Variants in PCDHGB4 observed in about 807,000 individuals in gnomAD.
PCDHGB4 encodes protocadherin gamma-B4.
In PCDHGB4, 38 loss-of-function variants were observed where a neutral mutation model predicts 60.5. The ratio of observed to expected loss-of-function variants is 0.63; its 90% CI spans 0.48 to 0.82. The LOEUF (loss-of-function observed/expected upper bound fraction) is 0.82, where lower values mean the gene tolerates loss of function less well. Ranked by LOEUF, PCDHGB4 falls within the 40% of genes least tolerant of loss-of-function variation. The pLI is 0.00. For synonymous variants in PCDHGB4, 456 were observed against 509.7 expected (o/e 0.89, Z 1.42); for missense variants, 1,109 against 1,209.6 (o/e 0.92, Z 1.23).
intron 1 of PCDHGB4, among the ~76,000 whole-genome samples, chr5:141,451,724 A>G (rs2098722682): frequency 6.6e-6 from 1 of 152,170 alleles, no homozygotes; most frequent in Non-Finnish European, 1.5e-5. Context: ...TCTACTAAAA[A>G]TACAAAAATT....
In PCDHGB4 at chr5:141,477,116, G is replaced by A. The variant is rs771557201; in HGVS notation, c.2398-17691G>A. ...AGACAAGGGCGCCAATCCCGAAGGA[G>A]CACATTGCAAAGTGTTGGTGGAGGT... On this transcript the variant is annotated intron_variant, in intron 1 of 3. Transcript: ENST00000519479. This position sits in a 1 kb window ranked among gnomAD's most constrained non-coding sequence, Gnocchi z 4.9. 1 of 1,614,252 alleles carries A rather than the reference G, an allele frequency of 6.2e-7. No homozygotes were observed. The highest frequency in any genetic ancestry group is 8.5e-7 in the Non-Finnish European group (1 of 1,180,052).
chr5:141,450,991 AT>A (rs1351194705), intron 1 of PCDHGB4, among the ~76,000 whole-genome samples: 2 of 150,700 alleles, frequency 1.3e-5, no homozygotes, highest in Non-Finnish European at 1.5e-5. Context: ...CACCCGGCTA[AT>A]TTTTTTGTAT....
chr5:141,398,476 T>C (rs756685671), intron 1 of PCDHGB4: 1 of 1,607,694 alleles, frequency 6.2e-7, no homozygotes. Flanking sequence ...ACTGAACTTT[T>C]ATCACGTGAA....
intron 1 of PCDHGB4, among the ~76,000 whole-genome samples, chr5:141,488,655 G>C (rs1438020338): frequency 6.6e-6 from 1 of 152,164 alleles, no homozygotes. Flanking sequence ...GATGGGGGAG[G>C]GTGGGGGAAT....
At chr5:141,448,069 T>G (rs1184496754) in intron 1 of PCDHGB4, among the ~76,000 whole-genome samples, 1 of 151,202 alleles carries the variant, frequency 6.6e-6, no homozygotes, top group African/African-American at 2.4e-5. Context: ...CTGGGCAACA[T>G]GAACGAAATG....
rs772637812 is a variant in PCDHGB4 at position 141,408,685 on chromosome 5, TATAAAC to T, written c.2397+18411_2397+18416del. On this transcript the variant is annotated intron_variant, in intron 1 of 3. Transcript: ENST00000519479. ...CGCTTGACCCTGCCACGGATCCTGA[TATAAAC>T]ATAAACTCAATTAAAGATTATAAGA... 8 of 1,613,994 alleles carry T rather than the reference TATAAAC, an allele frequency of 5.0e-6. No individual in the cohort carries two copies. The Admixed American group carries it at 1.0e-4, about 20-fold the overall frequency.
At position 141,399,158 on chromosome 5, in the gene PCDHGB4, C is replaced by T. The variant is rs575806440; in HGVS notation, c.2397+8877C>T. 17 of 1,613,790 alleles carry T rather than the reference C, an allele frequency of 1.1e-5. No homozygotes were observed. The East Asian group carries it at 2.9e-4, about 27-fold the overall frequency. On this transcript the variant is annotated intron_variant, in intron 1 of 3. Transcript: ENST00000519479. The stretch of plus-strand genomic sequence containing the variant: ...GAAAATGACAATAGCCCAGAAGTTA[C>T]ATTCCATTCTCTACTTGAAATGATT...
At chr5:141,446,169 C>A (rs920519501) in intron 1 of PCDHGB4, among the ~76,000 whole-genome samples, 1 of 152,014 alleles carries the variant, frequency 6.6e-6, no homozygotes, top group African/African-American at 2.4e-5. Flanking sequence ...TTCATGAGGG[C>A]AGGGGGTGTT....
At chr5:141,393,430 C>G in intron 1 of PCDHGB4, 1 of 1,614,040 alleles carries the variant, frequency 6.2e-7, no homozygotes, top group Non-Finnish European at 8.5e-7. Context: ...GAGGAAGAGG[C>G]TGCTCACCAC....
At chr5:141,421,986 AG>A in intron 1 of PCDHGB4, 2 of 1,609,004 alleles carry the variant, frequency 1.2e-6, no homozygotes, top group Non-Finnish European at 1.7e-6. Flanking sequence ...TGAGTGTTCC[AG>A]AAAACATCAG....
intron 2 of PCDHGB4, among the ~76,000 whole-genome samples, chr5:141,503,398 C>A (rs1374324008): frequency 6.6e-6 from 1 of 151,784 alleles, no homozygotes; most frequent in African/African-American, 2.4e-5. Flanking sequence ...AGTTCGAAAC[C>A]AACCTGGCCA....
At chr5:141,465,649 A>C (rs1174371552) in intron 1 of PCDHGB4, among the ~76,000 whole-genome samples, 1 of 152,200 alleles carries the variant, frequency 6.6e-6, no homozygotes, top group African/African-American at 2.4e-5. Context: ...TGAACATCCC[A>C]AAAAAGCGCT....
At chr5:141,480,525 A>G (rs191522157) in intron 1 of PCDHGB4, among the ~76,000 whole-genome samples, 131 of 152,310 alleles carry the variant, frequency 8.6e-4, no homozygotes, top group African/African-American at 2.6e-3. Context: ...AAAAATGACA[A>G]AGTAGAAGCA....
At chr5:141,442,664 G>A (rs1289986124) in intron 1 of PCDHGB4, among the ~76,000 whole-genome samples, 2 of 152,342 alleles carry the variant, frequency 1.3e-5, no homozygotes, top group East Asian at 1.9e-4. Flanking sequence ...TATTTGGCAT[G>A]GTGAGCTTGA....
rs138070043 is a variant in PCDHGB4, at chr5:141,512,950, AAAT to A, written c.*1783_*1785del. 5,271 of 152,332 alleles carry A rather than the reference AAAT, an allele frequency of 0.035. 119 individuals carry two copies. The highest frequency in any genetic ancestry group is 0.075 in the South Asian group (360 of 4,826). The allele number at this position is 152,332 out of a possible 1,614,324, so 9.4% of individuals were successfully genotyped here. On this transcript the variant is annotated 3_prime_UTR_variant, in exon 4 of 4. Coordinates refer to ENST00000519479, the MANE Select transcript of PCDHGB4 (RefSeq NM_003736.4). ...ATATGGCTTTTTTTCTTCGACAAAA[AAAT>A]AATAAAACGTTTCTTCTGAAAAGCT...
chr5:141,437,617 C>G (rs570138576), intron 1 of PCDHGB4, among the ~76,000 whole-genome samples: 1 of 152,220 alleles, frequency 6.6e-6, no homozygotes, highest in South Asian at 2.1e-4. Context: ...CTGCTTTATC[C>G]CCATATAAGA....
At chr5:141,466,528 T>C (rs1171715691) in intron 1 of PCDHGB4, among the ~76,000 whole-genome samples, 1 of 152,204 alleles carries the variant, frequency 6.6e-6, no homozygotes, top group African/African-American at 2.4e-5. Context: ...TCCTCCCAAA[T>C]TGATGTAGAT....
At chr5:141,408,266 C>G in intron 1 of PCDHGB4, 1 of 1,608,708 alleles carries the variant, frequency 6.2e-7, no homozygotes, top group Non-Finnish European at 8.5e-7. Flanking sequence ...TCCTTTGCTG[C>G]TGCCTTTGTT....
intron 1 of PCDHGB4, chr5:141,416,557 T>C (rs1428283225): frequency 3.9e-5 from 6 of 152,112 alleles, no homozygotes; most frequent in Non-Finnish European, 8.8e-5. Flanking sequence ...CCTGAAACTC[T>C]GAAAACTCTG....
Sources: gnomAD v4.1 joint callset for allele counts (sites outside exome capture counted in the v4.1 genomes callset) on GRCh38, gnomAD v4.1.1 for gene constraint, Gnocchi (gnomAD v3.1) non-coding constraint, MANE v1.5 for transcripts, NCBI Gene and HGNC (gene_info 2026-07-23, HGNC 2026-07-21) for gene names.